The following ANXA7 variants were observed in gnomAD, a reference collection of about 807,000 sequenced individuals.
ANXA7 encodes the protein annexin VII.
In ANXA7, 55 loss-of-function variants were observed where a neutral mutation model predicts 64.9. The ratio of observed to expected loss-of-function variants is 0.85; its 90% CI spans 0.68 to 1.06. The LOEUF is 1.06. Among genes scored for constraint, ANXA7 ranks in the 50% least tolerant of loss-of-function variants. The probability of loss-of-function intolerance (pLI) is 0.00; values close to 1 mark genes in which losing one functional copy is unlikely to be tolerated. For synonymous variants in ANXA7, 200 were observed against 192.4 expected (o/e 1.04, Z -0.33); for missense variants, 548 against 582.1 (o/e 0.94, Z 0.60).
intron 7 of ANXA7, among the ~76,000 whole-genome samples, chr10:73,385,041 G>T (rs1363230152): frequency 3.3e-5 from 5 of 152,094 alleles, no homozygotes; most frequent in Admixed American, 3.3e-4. Context: ...AAGTTTTAAA[G>T]GAAATTACGA....
At chr10:73,378,414 T>A (rs1363749834) in intron 12 of ANXA7, among the ~76,000 whole-genome samples, 1 of 151,610 alleles carries the variant, frequency 6.6e-6, no homozygotes, top group Non-Finnish European at 1.5e-5. Context: ...CAAATGTCAT[T>A]TCTTCTGAGA....
At chr10:73,380,667 T>C (rs1377545774) in intron 9 of ANXA7, among the ~76,000 whole-genome samples, 2 of 152,210 alleles carry the variant, frequency 1.3e-5, no homozygotes, top group African/African-American at 4.8e-5. Context: ...TTTATTATAC[T>C]GTCAACTGGA....
chr10:73,399,239 C>T (rs917240229), intron 2 of ANXA7, among the ~76,000 whole-genome samples: 1 of 152,288 alleles, frequency 6.6e-6, no homozygotes, highest in Non-Finnish European at 1.5e-5. Context: ...CCTCCACTGA[C>T]GTCCAGGAAA....
At position 73,400,858 on chromosome 10, in the gene ANXA7, C is replaced by G. The variant is rs1040381530; in HGVS notation, c.-1-1G>C. 6.3e-7 allele frequency: 1 copy of G among 1,594,032 alleles called. No homozygotes were observed. The highest frequency in any genetic ancestry group is 8.5e-7 in the Non-Finnish European group (1 of 1,170,106). Reference sequence around the variant, plus strand: ...TGGGGGATAGCCTGGGTATGACATTCTGTAACAACAATAAAAAATGTCCTC... The same window carrying G: ...TGGGGGATAGCCTGGGTATGACATTGTGTAACAACAATAAAAAATGTCCTC... On this transcript the variant is annotated splice_acceptor_variant, in intron 1 of 12. Transcript: ENST00000372921. LOFTEE classifies it low-confidence loss of function (5UTR_SPLICE).
Position 73,396,593 on chromosome 10 carries a change from T to TAA in ANXA7, c.371-12_371-11dup, listed in dbSNP as rs752195026. 6.4e-7 allele frequency: 1 copy of TAA among 1,567,608 alleles called. No homozygotes were observed. The highest frequency in any genetic ancestry group is 8.7e-7 in the Non-Finnish European group (1 of 1,145,152). On this transcript the variant is annotated splice_polypyrimidine_tract_variant and intron_variant, in intron 4 of 12. Coordinates refer to ENST00000372921, the MANE Select transcript of ANXA7 (RefSeq NM_001156.5). ...CCTCCAGGAAAGCCACCTATAATGTTAAAAAAAATAATAATAATACGGCAA... is the reference window on the plus strand; with the variant it reads ...CCTCCAGGAAAGCCACCTATAATGTTAAAAAAAAAATAATAATAATACGGCAA...
intron 1 of ANXA7, among the ~76,000 whole-genome samples, chr10:73,403,262 T>C (rs933562056): frequency 6.6e-6 from 1 of 152,144 alleles, no homozygotes; most frequent in African/African-American, 2.4e-5. Flanking sequence ...GCTGAGGCAG[T>C]AGAATCTCTT....
intron 1 of ANXA7, among the ~76,000 whole-genome samples, chr10:73,402,763 ATAAGC>A (rs528636104): frequency 1.7e-3 from 256 of 152,118 alleles, no homozygotes; most frequent in Non-Finnish European, 2.8e-3. Context: ...CTTTAAGTAC[ATAAGC>A]TGATATGTCT....
chr10:73,404,064 GT>G (rs2055714921), intron 1 of ANXA7, among the ~76,000 whole-genome samples: 2 of 152,126 alleles, frequency 1.3e-5, no homozygotes, highest in African/African-American at 4.8e-5. Flanking sequence ...TTAGCATGAA[GT>G]TTGGCTTTTA....
intron 11 of ANXA7, among the ~76,000 whole-genome samples, chr10:73,379,290 A>T: frequency 6.6e-6 from 1 of 152,124 alleles, no homozygotes. Flanking sequence ...CAGCCTTCTG[A>T]GTAGCTGGGA....
rs757858031 is a variant in ANXA7, at chr10:73,388,377, C to G, written c.473G>C (p.Arg158Pro). Residue 158 changes from arginine to proline, a missense_variant, in exon 6 of 13, where the codon CGA becomes CCA. By Grantham distance (103) the Arg-to-Pro change is moderately radical. Transcript: ENST00000372921. ...TVTQVTQGTI[R>P]PAANFDAIRD... is the part of the protein sequence containing the mutation. Reference sequence around the variant, plus strand: ...TATAGCATCGAAGTTGGCAGCTGGTCGGATAGTTCCTTGAGTGACCTGAGT... The same window carrying G: ...TATAGCATCGAAGTTGGCAGCTGGTGGGATAGTTCCTTGAGTGACCTGAGT... 6.2e-7 allele frequency: 1 copy of G among 1,613,888 alleles called. No homozygotes were observed. The highest frequency in any genetic ancestry group is 1.1e-5 in the South Asian group (1 of 91,036).
In ANXA7 at chr10:73,397,276, T is replaced by G; in HGVS notation, c.260-2A>C. ...CTCCAAATCCTTGGCCTGGAGGAAC[T>G]AGAGAAAAGAACATGTCAATAAACT... On this transcript the variant is annotated splice_acceptor_variant, in intron 3 of 12. Coordinates refer to ENST00000372921, the MANE Select transcript of ANXA7 (RefSeq NM_001156.5). LOFTEE classifies it high-confidence loss of function. 1 of 1,597,896 alleles carries G rather than the reference T, an allele frequency of 6.3e-7. No individual in the cohort carries two copies. The highest frequency in any genetic ancestry group is 8.6e-7 in the Non-Finnish European group (1 of 1,167,262).
chr10:73,378,424 A>G (rs1048511094), intron 12 of ANXA7, among the ~76,000 whole-genome samples: 1 of 151,680 alleles, frequency 6.6e-6, no homozygotes, highest in African/African-American at 2.4e-5. Context: ...TTCTTCTGAG[A>G]AAAAAAATTT....
intron 7 of ANXA7, among the ~76,000 whole-genome samples, chr10:73,387,052 G>A (rs925545598): frequency 2.6e-5 from 4 of 152,150 alleles, no homozygotes; most frequent in African/African-American, 7.2e-5. Context: ...GAATAAACAA[G>A]GGCTATGTAA....
intron 5 of ANXA7, among the ~76,000 whole-genome samples, chr10:73,394,145 T>G (rs1401270956): frequency 6.6e-6 from 1 of 152,048 alleles, no homozygotes; most frequent in Admixed American, 6.5e-5. Flanking sequence ...GAAATGCAAA[T>G]CAAAACCACA....
intron 5 of ANXA7, among the ~76,000 whole-genome samples, chr10:73,394,163 ATC>A (rs1337958407): frequency 6.6e-6 from 1 of 152,240 alleles, no homozygotes; most frequent in Non-Finnish European, 1.5e-5. Context: ...ACAATGAGAT[ATC>A]ATCTCACACC....
intron 1 of ANXA7, among the ~76,000 whole-genome samples, chr10:73,406,872 C>G (rs746830316): frequency 6.6e-6 from 1 of 152,022 alleles, no homozygotes; most frequent in Non-Finnish European, 1.5e-5. Context: ...CACCCACCCT[C>G]TATTTATCTA....
chr10:73,411,317 C>G (rs943080042), intron 1 of ANXA7, among the ~76,000 whole-genome samples: 1 of 152,018 alleles, frequency 6.6e-6, no homozygotes, highest in Non-Finnish European at 1.5e-5. Context: ...TGAAAGGGGG[C>G]TAGGAATCAA....
At position 73,397,227 on chromosome 10, in the gene ANXA7, A is replaced by C; in HGVS notation, c.307T>G (p.Ser103Ala). ...FGVPPGGAGF[S>A]GYPQPPSQSY... Reference sequence around the variant, plus strand: ...TGTGAAGGTGGCTGTGGATACCCAGAAAAGCCTGCTCCACCTGGTGGGACT... The same window carrying C: ...TGTGAAGGTGGCTGTGGATACCCAGCAAAGCCTGCTCCACCTGGTGGGACT... Residue 103 changes from serine (S) to alanine (A), a missense_variant, in exon 4 of 13, where the codon TCT becomes GCT. Coordinates refer to ENST00000372921, the MANE Select transcript of ANXA7 (RefSeq NM_001156.5). 6.2e-7 allele frequency: 1 copy of C among 1,612,750 alleles called. No individual in the cohort carries two copies. Among genetic ancestry groups the C allele is most frequent in the Non-Finnish European group, 8.5e-7 (1 of 1,179,192 alleles).
chr10:73,412,730 T>G (rs1381722268), intron 1 of ANXA7, among the ~76,000 whole-genome samples: 2 of 151,562 alleles, frequency 1.3e-5, no homozygotes, highest in Admixed American at 1.3e-4. Flanking sequence ...CCTCCTGACC[T>G]CGTGAATCTC....
Sources: gnomAD v4.1 joint callset for allele counts (sites outside exome capture counted in the v4.1 genomes callset) on GRCh38, gnomAD v4.1.1 for gene constraint, MANE v1.5 for transcripts, NCBI Gene and HGNC (gene_info 2026-07-23, HGNC 2026-07-21) for gene names.